Variants in WBP2NL observed in about 807,000 individuals in gnomAD.
WBP2NL encodes postacrosomal sheath WW domain-binding protein.
WBP2NL carries 27 observed loss-of-function variants against 23.3 expected under a neutral mutation model. The observed-to-expected ratio is 1.16, with a 90% CI of 0.85 to 1.60. The LOEUF is 1.60. Ranked by LOEUF, WBP2NL falls within the 40% of genes most tolerant of loss-of-function variation. The pLI, the probability that WBP2NL is intolerant of heterozygous loss-of-function variation, is 0.00. For missense variants in WBP2NL, 370 were observed against 389.5 expected (o/e 0.95, Z 0.42); for synonymous variants, 151 against 145.9 (o/e 1.03, Z -0.25).
chr22:42,008,422 G>A (rs190063681), intron 1 of WBP2NL, among the ~76,000 whole-genome samples: 270 of 152,014 alleles, frequency 1.8e-3, no homozygotes, highest in African/African-American at 6.3e-3. Flanking sequence ...GGCCAGGCTG[G>A]TCTCAAACTC....
intron 5 of WBP2NL, 51 bp from the exon 6 acceptor site, chr22:42,026,715 T>C: frequency 6.3e-7 from 1 of 1,581,906 alleles, no homozygotes; most frequent in South Asian, 1.1e-5. Flanking sequence ...TTCTCACATA[T>C]TCCTTGACTT....
chr22:42,044,106 G>C (rs983713547), intron 8 of WBP2NL, among the ~76,000 whole-genome samples: 1 of 152,110 alleles, frequency 6.6e-6, no homozygotes, highest in Non-Finnish European at 1.5e-5. Context: ...TTGTCTTTTC[G>C]GTTTGGAGAA....
intron 8 of WBP2NL, among the ~76,000 whole-genome samples, chr22:42,057,899 ATATTTTTTTTTTTTTTTTTTT>A (rs1926140528): frequency 1.0e-4 from 2 of 19,308 alleles, no homozygotes; most frequent in Non-Finnish European, 1.7e-4. Flanking sequence ...ATATATATAT[ATATTTTTTTTTTTTTTTTTTT>A]TTTTTTTTTT....
chr22:42,012,758 C>T (rs6002573), intron 1 of WBP2NL, among the ~76,000 whole-genome samples: 2 of 151,874 alleles, frequency 1.3e-5, no homozygotes, highest in Non-Finnish European at 2.9e-5. Flanking sequence ...TTTGGGAGGC[C>T]GAGGCAGGTG....
chr22:42,047,674 T>A (rs1335027111), intron 8 of WBP2NL, among the ~76,000 whole-genome samples: 1 of 135,016 alleles, frequency 7.4e-6, no homozygotes, highest in African/African-American at 3.4e-5. Context: ...CAGGCTGGAG[T>A]GCAGTGGCGC....
Position 42,053,570 on chromosome 22 carries a change from C to T in WBP2NL, c.*274-4720C>T, listed in dbSNP as rs1282122973. Among the ~76,000 whole-genome samples the T allele has an allele frequency of 4.6e-5, 7 of 152,036 alleles. 1 individual carries two copies. Among genetic ancestry groups the T allele is most frequent in the Admixed American group, 4.6e-4 (7 of 15,262 alleles). On this transcript the variant is annotated intron_variant and NMD_transcript_variant, in intron 8 of 8. Coordinates refer to the WBP2NL transcript ENST00000436265. Reference sequence around the variant, plus strand: ...CACCTCCCAGGTTCAAGCAGTTCTCCTGCCTCAGCCTCATAAGTAGCTGGG... The same window carrying T: ...CACCTCCCAGGTTCAAGCAGTTCTCTTGCCTCAGCCTCATAAGTAGCTGGG...
chr22:42,020,876 A>ATG (rs1923859663), intron 4 of WBP2NL, among the ~76,000 whole-genome samples: 1 of 16,030 alleles, frequency 6.2e-5, no homozygotes, highest in Non-Finnish European at 9.9e-5. Flanking sequence ...GTGTATATAT[A>ATG]TATATATATA....
At chr22:42,012,729 T>G (rs1177297174) in intron 1 of WBP2NL, among the ~76,000 whole-genome samples, 1 of 152,094 alleles carries the variant, frequency 6.6e-6, no homozygotes, top group Non-Finnish European at 1.5e-5. Flanking sequence ...ACGGTGGCTC[T>G]CGCCTGTAAT....
chr22:42,035,002 C>T (rs997345076), downstream of WBP2NL, among the ~76,000 whole-genome samples: 11 of 152,284 alleles, frequency 7.2e-5, no homozygotes, highest in South Asian at 2.1e-4. Flanking sequence ...GGTCCTGAGA[C>T]GATACACATC....
chr22:42,056,535 C>A (rs533559831), intron 8 of WBP2NL, among the ~76,000 whole-genome samples: 3 of 152,160 alleles, frequency 2.0e-5, no homozygotes, highest in Admixed American at 6.5e-5. Context: ...GAAGGATGTC[C>A]TTTAGTATTT....
chr22:42,031,264 T>C (rs189115891), downstream of WBP2NL: 57 of 152,352 alleles, frequency 3.7e-4, no homozygotes, highest in African/African-American at 1.3e-3. Context: ...AAGAGCTTTG[T>C]GTCCTGTATA....
chr22:42,036,279 A>G (rs1925178440), downstream of WBP2NL, among the ~76,000 whole-genome samples: 1 of 151,864 alleles, frequency 6.6e-6, no homozygotes, highest in Admixed American at 6.6e-5. Flanking sequence ...GGTTCACACC[A>G]TTCTCCTGCC....
At chr22:42,001,194 A>G in intron 1 of WBP2NL, 1 of 760,548 alleles carries the variant, frequency 1.3e-6, no homozygotes, top group Non-Finnish European at 2.4e-6. Flanking sequence ...ATCTTCCTCC[A>G]GCAGTCAAAT....
At chr22:42,009,357 T>C (rs923492633) in intron 1 of WBP2NL, among the ~76,000 whole-genome samples, 8 of 152,260 alleles carry the variant, frequency 5.3e-5, no homozygotes, top group African/African-American at 1.9e-4. Flanking sequence ...TTGCCGGTGC[T>C]TTTGTTTTTT....
chr22:42,019,921 G>C, intron 3 of WBP2NL, 83 bp from the exon 4 acceptor site: 1 of 1,593,128 alleles, frequency 6.3e-7, no homozygotes, highest in Non-Finnish European at 8.6e-7. Flanking sequence ...TTGTCAGGTA[G>C]TGCTTCCCTT....
At chr22:42,022,171 G>A in intron 4 of WBP2NL, 78 bp from the exon 5 acceptor site, 1 of 1,153,948 alleles carries the variant, frequency 8.7e-7, no homozygotes, top group Non-Finnish European at 1.3e-6. Flanking sequence ...TAAATACTCT[G>A]TTAATTGTTT....
chr22:42,027,286 A>C lies in WBP2NL; in HGVS notation c.*105A>C, dbSNP rs999658683. On this transcript the variant is annotated 3_prime_UTR_variant, in exon 6 of 6. Coordinates refer to ENST00000328823, the MANE Select transcript of WBP2NL (RefSeq NM_152613.3). ...AGGTATGTGATCACAGGCTTCTCGC[A>C]GGTAGTTGTTCCACCCTTTGGAAGG... 7.1e-7 allele frequency: 1 copy of C among 1,416,940 alleles called. No individual in the cohort carries two copies. Among genetic ancestry groups the C allele is most frequent in the Admixed American group, 2.6e-5 (1 of 38,570 alleles). 87.8% of individuals were successfully genotyped at this position (1,416,940 alleles called of 1,614,324 possible). A position where few individuals can be genotyped will look rare whatever the true frequency, so the allele number is the denominator to read the frequency against.
chr22:42,041,979 A>C (rs191948819), intron 8 of WBP2NL, among the ~76,000 whole-genome samples: 3 of 152,330 alleles, frequency 2.0e-5, no homozygotes, highest in East Asian at 3.9e-4. Context: ...TTTTATGTCA[A>C]TATTTGGAAC....
intron 8 of WBP2NL, among the ~76,000 whole-genome samples, chr22:42,049,998 AAAG>A (rs1569455216): frequency 6.7e-6 from 1 of 149,760 alleles, no homozygotes; most frequent in Admixed American, 6.6e-5. Context: ...AAAAAAAAAA[AAAG>A]TGGCACATTT....
Sources: allele counts gnomAD v4.1 joint callset (sites outside exome capture counted in the v4.1 genomes callset), GRCh38; gene constraint gnomAD v4.1.1; transcripts MANE v1.5; gene names NCBI Gene and HGNC (gene_info 2026-07-23, HGNC 2026-07-21).